The following ZFAT variants were observed in gnomAD, a reference collection of about 807,000 sequenced individuals.
ZFAT encodes zinc finger protein ZFAT.
A neutral mutation model predicts 117.7 loss-of-function variants in ZFAT; 64 were observed. The ratio of observed to expected loss-of-function variants is 0.54; its 90% CI spans 0.44 to 0.67. The LOEUF is 0.67. Ranked by LOEUF, ZFAT falls within the 30% of genes least tolerant of loss-of-function variation. The pLI is 0.00. For missense variants in ZFAT, 1,433 were observed against 1,584.5 expected, an observed-to-expected ratio of 0.90 and a Z score of 1.62; for synonymous variants, 679 against 615.0, an observed-to-expected ratio of 1.10 and a Z score of -1.54.
intron 11 of ZFAT, among the ~76,000 whole-genome samples, chr8:134,563,828 T>C (rs550270622): frequency 9.8e-4 from 150 of 152,294 alleles, no homozygotes; most frequent in Middle Eastern, 3.4e-3. Flanking sequence ...GCTTTCTTTC[T>C]GTGTCCTGAC....
intron 11 of ZFAT, among the ~76,000 whole-genome samples, chr8:134,542,657 C>A (rs1028720211): frequency 1.3e-5 from 2 of 152,248 alleles, no homozygotes; most frequent in African/African-American, 4.8e-5. Context: ...CAGCCCCCTG[C>A]TCAGAGCCTT....
intron 13 of ZFAT, among the ~76,000 whole-genome samples, chr8:134,519,332 AT>A (rs1329527956): frequency 1.3e-5 from 2 of 152,024 alleles, no homozygotes; most frequent in African/African-American, 2.4e-5. Context: ...CCATATTTAC[AT>A]TTTGGGCATT....
chr8:134,478,430 G>GC lies in ZFAT; in HGVS notation c.*51dup, dbSNP rs1817030583. 2 of 1,530,308 alleles carry GC rather than the reference G, an allele frequency of 1.3e-6. No homozygotes were observed. The highest frequency in any genetic ancestry group is 1.8e-6 in the Non-Finnish European group (2 of 1,135,176). The allele number at this position is 1,530,308 out of a possible 1,614,324, so 94.8% of individuals were successfully genotyped here. ...GAAGGGTGGCCTCCCCACCCTGGGT[G>GC]CCTGCAGAGCCTGGCAGCCCCGCCC... On this transcript the variant is annotated 3_prime_UTR_variant, in exon 16 of 16. Coordinates refer to ENST00000377838, the MANE Select transcript of ZFAT (RefSeq NM_020863.4). The surrounding 1 kb of genome is among the most constrained non-coding windows in gnomAD (Gnocchi z 5.2).
chr8:134,772,992 C>T, the ZFAT span, among the ~76,000 whole-genome samples: 9 of 150,660 alleles, frequency 6.0e-5, no homozygotes, highest in South Asian at 2.1e-4. Context: ...CTGGGAGGGC[C>T]GAGGTGTGGG....
At chr8:134,684,768 C>T (rs1052327984) in intron 1 of ZFAT, among the ~76,000 whole-genome samples, 1 of 152,188 alleles carries the variant, frequency 6.6e-6, no homozygotes, top group African/African-American at 2.4e-5. Context: ...AAGTTTCATT[C>T]ATTGCAACGA....
At chr8:134,826,948 A>G in the ZFAT span, among the ~76,000 whole-genome samples, 1 of 152,258 alleles carries the variant, frequency 6.6e-6, no homozygotes, top group Non-Finnish European at 1.5e-5. Flanking sequence ...GAATCAGGAA[A>G]ACACAAACAT....
chr8:134,589,591 T>C (rs1270313637), intron 8 of ZFAT, among the ~76,000 whole-genome samples: 2 of 152,126 alleles, frequency 1.3e-5, no homozygotes, highest in Non-Finnish European at 2.9e-5. Flanking sequence ...AGGGAGCCCA[T>C]GGGAGTTGCT....
chr8:134,621,437 T>C (rs989662288), intron 3 of ZFAT, among the ~76,000 whole-genome samples: 8 of 152,224 alleles, frequency 5.3e-5, no homozygotes, highest in South Asian at 2.1e-4. Context: ...CCTGTATCTC[T>C]ACTATTATGT....
At chr8:134,749,965 T>C in the ZFAT span, among the ~76,000 whole-genome samples, 2 of 152,312 alleles carry the variant, frequency 1.3e-5, no homozygotes, top group South Asian at 4.1e-4. Flanking sequence ...ATAAAACAAA[T>C]CCTTCTACAT....
intron 1 of ZFAT, among the ~76,000 whole-genome samples, chr8:134,710,788 A>G (rs1267810318): frequency 6.6e-6 from 1 of 152,222 alleles, no homozygotes; most frequent in Non-Finnish European, 1.5e-5. Flanking sequence ...AACCATCAGA[A>G]AGCAAAGGTG....
At chr8:134,791,824 G>A in the ZFAT span, among the ~76,000 whole-genome samples, 2 of 152,124 alleles carry the variant, frequency 1.3e-5, no homozygotes, top group Non-Finnish European at 2.9e-5. Context: ...ACGCAGTTGT[G>A]GCAAATGAGA....
chr8:134,783,370 G>A, the ZFAT span, among the ~76,000 whole-genome samples: 1 of 152,126 alleles, frequency 6.6e-6, no homozygotes, highest in Non-Finnish European at 1.5e-5. Flanking sequence ...ATCAGCAGTG[G>A]TCTCTGTGAA....
At chr8:134,830,190 G>C in the ZFAT span, among the ~76,000 whole-genome samples, 10,618 of 152,026 alleles carry the variant, frequency 0.07, 483 homozygotes, top group African/African-American at 0.13. Context: ...AGAGAAGAGA[G>C]AAAAACATAA....
chr8:134,529,149 C>G (rs1821229470), intron 12 of ZFAT, among the ~76,000 whole-genome samples: 1 of 152,142 alleles, frequency 6.6e-6, no homozygotes, highest in African/African-American at 2.4e-5. Flanking sequence ...CGGCCCAGGT[C>G]CATCTGACTC....
At chr8:134,481,579 G>A (rs1252472910) in intron 15 of ZFAT, among the ~76,000 whole-genome samples, 2 of 152,218 alleles carry the variant, frequency 1.3e-5, no homozygotes, top group Non-Finnish European at 1.5e-5. Context: ...GACAGTGGCT[G>A]AAATCACTGC....
chr8:134,494,470 G>A (rs780326891), intron 15 of ZFAT, among the ~76,000 whole-genome samples: 2 of 152,080 alleles, frequency 1.3e-5, no homozygotes, highest in Non-Finnish European at 2.9e-5. Flanking sequence ...GGAAGCGCCT[G>A]GCTCCTTTCC....
chr8:134,730,726 A>T, the ZFAT span, among the ~76,000 whole-genome samples: 1 of 152,336 alleles, frequency 6.6e-6, no homozygotes, highest in Non-Finnish European at 1.5e-5. Flanking sequence ...GAACTCCCTC[A>T]GTTTACAGAT....
At chr8:134,570,532 G>A (rs1400386120) in intron 10 of ZFAT, among the ~76,000 whole-genome samples, 1 of 152,198 alleles carries the variant, frequency 6.6e-6, no homozygotes, top group Non-Finnish European at 1.5e-5. Context: ...TTCACCTTTG[G>A]TTGGTCCATC....
At chr8:134,612,387 T>C (rs761956498) in intron 3 of ZFAT, among the ~76,000 whole-genome samples, 9 of 152,214 alleles carry the variant, frequency 5.9e-5, no homozygotes, top group Non-Finnish European at 1.2e-4. Context: ...TTTCCAGTGA[T>C]TCAACTCTGC....
Sources: gnomAD v4.1 joint callset for allele counts (sites outside exome capture counted in the v4.1 genomes callset) on GRCh38, gnomAD v4.1.1 for gene constraint, Gnocchi (gnomAD v3.1) non-coding constraint, MANE v1.5 for transcripts, NCBI Gene and HGNC (gene_info 2026-07-23, HGNC 2026-07-21) for gene names.